Variants in FLNB observed in about 807,000 individuals in gnomAD.
The protein encoded by FLNB is filamin B, also known as filamin-B.
In FLNB, 111 loss-of-function variants were observed where a neutral mutation model predicts 250.6. The ratio of observed to expected loss-of-function variants is 0.44; its 90% CI spans 0.38 to 0.52. FLNB has a LOEUF of 0.52. FLNB is among the 20% of genes least tolerant of loss of function. The pLI is 0.00. For synonymous variants in FLNB, 1,302 were observed against 1,372.1 expected (o/e 0.95, Z 1.13); for missense variants, 2,869 against 3,447.8 (o/e 0.83, Z 4.20).
intron 1 of FLNB, among the ~76,000 whole-genome samples, chr3:58,020,919 T>G (rs925391720): frequency 1.3e-5 from 2 of 151,888 alleles, no homozygotes; most frequent in Admixed American, 6.6e-5. Flanking sequence ...GGAACGGTGC[T>G]ACCTTCCGCC....
intron 24 of FLNB, among the ~76,000 whole-genome samples, chr3:58,128,261 ACACT>A (rs2097301175): frequency 1.3e-5 from 2 of 152,126 alleles, no homozygotes; most frequent in Admixed American, 6.6e-5. Context: ...ACACACACTC[ACACT>A]CACTCTCTCT....
chr3:58,167,477 G>A (rs1159091073), intron 43 of FLNB, among the ~76,000 whole-genome samples: 1 of 152,270 alleles, frequency 6.6e-6, no homozygotes, highest in East Asian at 1.9e-4. Flanking sequence ...AGCTGGGGCA[G>A]TGTCTAGGGC....
At chr3:58,090,777 A>G (rs145520872) in intron 4 of FLNB, among the ~76,000 whole-genome samples, 13 of 152,304 alleles carry the variant, frequency 8.5e-5, no homozygotes, top group South Asian at 2.1e-4. Flanking sequence ...TCACTATTAG[A>G]AAATCAGTCA....
In FLNB at chr3:58,087,809, C is replaced by T. The variant is rs140102859; in HGVS notation, c.787+6033C>T. Among the ~76,000 whole-genome samples the T allele has an allele frequency of 2.4e-3, 363 of 151,636 alleles. 3 individuals carry two copies. Among genetic ancestry groups the T allele is most frequent in the African/African-American group, 8.2e-3 (339 of 41,326 alleles). The stretch of plus-strand genomic sequence containing the variant: ...AGGCTGGAGTGCAATGGCACGATCT[C>T]GGCTCACTGCAACCTCTGCCTCCTG... On this transcript the variant is annotated intron_variant, in intron 4 of 45. Coordinates refer to ENST00000295956, the MANE Select transcript of FLNB (RefSeq NM_001457.4).
chr3:58,020,604 C>G (rs1471688900), intron 1 of FLNB, among the ~76,000 whole-genome samples: 2 of 152,018 alleles, frequency 1.3e-5, no homozygotes, highest in Admixed American at 6.6e-5. Flanking sequence ...GCATGAATTC[C>G]TTTTCTCATA....
At chr3:58,066,950 A>G (rs886328851) in intron 1 of FLNB, among the ~76,000 whole-genome samples, 1 of 152,222 alleles carries the variant, frequency 6.6e-6, no homozygotes, top group African/African-American at 2.4e-5. Context: ...AGTGAGAGAG[A>G]ACAGAAGGAA....
chr3:58,017,315 A>G (rs7633911), intron 1 of FLNB, among the ~76,000 whole-genome samples: 2,673 of 152,272 alleles, frequency 0.018, 74 homozygotes, highest in African/African-American at 0.061. Context: ...CAGTGGCGCT[A>G]TCTCAGCTCA....
chr3:58,167,143 A>G (rs1185660265), intron 43 of FLNB, among the ~76,000 whole-genome samples: 1 of 152,198 alleles, frequency 6.6e-6, no homozygotes, highest in African/African-American at 2.4e-5. Context: ...ATCAATCAAT[A>G]AAATATCTTT....
chr3:58,025,674 C>T (rs939766932), intron 1 of FLNB, among the ~76,000 whole-genome samples: 6 of 152,206 alleles, frequency 3.9e-5, no homozygotes, highest in African/African-American at 1.4e-4. Context: ...CATTGTGGCT[C>T]ATGCACTTCA....
Position 58,123,138 on chromosome 3 carries a change from C to G in FLNB, c.3172C>G (p.Pro1058Ala). 6.2e-7 allele frequency: 1 copy of G among 1,614,194 alleles called. No homozygotes were observed. Among genetic ancestry groups the G allele is most frequent in the Non-Finnish European group, 8.5e-7 (1 of 1,180,022 alleles). ...PGLEGGLVGKPAEFTIDTKGA... is the reference protein window; with the variant it reads ...PGLEGGLVGKAAEFTIDTKGA... The stretch of plus-strand genomic sequence containing the variant: ...CCTCGAAGGTGGTCTCGTGGGCAAG[C>G]CTGCCGAGTTCACCATCGATACCAA... Residue 1058 changes from proline (P) to alanine (A), a missense_variant, in exon 21 of 46, where the codon CCT becomes GCT. Physicochemically the swap from Pro to Ala is conservative, Grantham distance 27 (BLOSUM62 -1). Around this residue, in one of 5 missense-constraint regions of FLNB, gnomAD observed 1,348 missense variants for 1,466.7 expected, o/e 0.92. Coordinates refer to ENST00000295956, the MANE Select transcript of FLNB (RefSeq NM_001457.4).
chr3:58,153,334 C>T (rs1247275267), intron 38 of FLNB, 41 bp from the exon 39 acceptor site: 6 of 1,613,450 alleles, frequency 3.7e-6, no homozygotes, highest in Middle Eastern at 1.7e-4. Context: ...AGGCCCTTGC[C>T]CTAACCCTCT....
chr3:58,008,646 G>A lies in FLNB; in HGVS notation c.82G>A (p.Glu28Lys). 1 of 1,614,044 alleles carries A rather than the reference G, an allele frequency of 6.2e-7. No homozygotes were observed. Among genetic ancestry groups the A allele is most frequent in the Non-Finnish European group, 8.5e-7 (1 of 1,179,984 alleles). ...QQNTFTRWCN[E>K]HLKCVNKRIG... ...GAACACGTTCACACGCTGGTGCAAC[G>A]AGCACCTCAAGTGCGTGAACAAACG... The change falls in exon 1 of 46, where the codon GAG (glutamate) becomes AAG (lysine). Residue 28 changes from glutamate (E) to lysine (K), a missense_variant. Coordinates refer to ENST00000295956, the MANE Select transcript of FLNB (RefSeq NM_001457.4).
intron 1 of FLNB, among the ~76,000 whole-genome samples, chr3:58,012,953 C>T (rs1452357705): frequency 2.0e-5 from 3 of 152,222 alleles, no homozygotes; most frequent in African/African-American, 7.2e-5. Context: ...AAAGACAACC[C>T]TGGCTATTGA....
At chr3:58,046,617 T>C (rs1199382728) in intron 1 of FLNB, among the ~76,000 whole-genome samples, 1 of 152,084 alleles carries the variant, frequency 6.6e-6, no homozygotes, top group African/African-American at 2.4e-5. Context: ...ACCCAACTAA[T>C]TTTTGTATTT....
At chr3:58,133,410 A>C (rs542308301) in intron 26 of FLNB, among the ~76,000 whole-genome samples, 13 of 131,848 alleles carry the variant, frequency 9.9e-5, no homozygotes, top group African/African-American at 3.9e-4. Flanking sequence ...CAGCCTGGGC[A>C]ACATAGACCC....
chr3:58,151,774 C>T (rs1448581347), intron 38 of FLNB, among the ~76,000 whole-genome samples: 15 of 152,244 alleles, frequency 9.9e-5, no homozygotes, highest in Non-Finnish European at 1.9e-4. Flanking sequence ...ATCATCAGGG[C>T]TGCTGTGACA....
At chr3:58,120,228 G>A (rs955458120) in intron 19 of FLNB, among the ~76,000 whole-genome samples, 5 of 152,252 alleles carry the variant, frequency 3.3e-5, no homozygotes, top group Non-Finnish European at 7.3e-5. Flanking sequence ...GGCTGGAGCA[G>A]CCAGCTCTGA....
chr3:58,098,079 CAAAT>C, intron 7 of FLNB, 102 bp downstream of exon 7: 1 of 1,247,906 alleles, frequency 8.0e-7, no homozygotes, highest in Non-Finnish European at 1.2e-6. Flanking sequence ...TCTTTTAAAT[CAAAT>C]AAATAATCAC....
intron 1 of FLNB, among the ~76,000 whole-genome samples, chr3:58,019,597 C>CT (rs1479735405): frequency 6.6e-6 from 1 of 152,182 alleles, no homozygotes; most frequent in Non-Finnish European, 1.5e-5. Context: ...TGTGTCAAAA[C>CT]TGAGTTTCAC....
Sources: allele counts gnomAD v4.1 joint callset (sites outside exome capture counted in the v4.1 genomes callset), GRCh38; gene constraint gnomAD v4.1.1; regional missense constraint gnomAD v4.1.1; transcripts MANE v1.5; gene names NCBI Gene and HGNC (gene_info 2026-07-23, HGNC 2026-07-21).